The following ZNF516 variants were observed in gnomAD, a reference collection of about 807,000 sequenced individuals.
ZNF516 encodes the protein zinc finger protein 516.
ZNF516 carries 19 observed loss-of-function variants against 79.7 expected under a neutral mutation model. The observed-to-expected ratio is 0.24, with a 90% confidence interval of 0.17 to 0.35. The LOEUF (loss-of-function observed/expected upper bound fraction) is 0.35, where lower values mean the gene tolerates loss of function less well. Ranked by LOEUF, ZNF516 falls within the 10% of genes least tolerant of loss-of-function variation. The pLI is 1.00. For synonymous variants in ZNF516, 877 were observed against 739.5 expected (o/e 1.19, Z -3.02); for missense variants, 1,678 against 1,679.5 (o/e 1.00, Z 0.02).
At chr18:76,488,823 GA>G (rs1914990734) in intron 1 of ZNF516, among the ~76,000 whole-genome samples, 1 of 152,182 alleles carries the variant, frequency 6.6e-6, no homozygotes, top group Non-Finnish European at 1.5e-5. Flanking sequence ...AGAGAAAGCT[GA>G]TATGTGTTTC....
At chr18:76,495,285 A>AGGGCGCGCGGGGCCCGCC (rs1458561763), upstream of ZNF516, 2 of 144,018 alleles carry the variant, frequency 1.4e-5, no homozygotes, top group Non-Finnish European at 3.1e-5. Context: ...GGGACGCGCG[A>AGGGCGCGCGGGGCCCGCC]GGGCGCGCGG....
chr18:76,385,014 A>G (rs1568246992), intron 3 of ZNF516, among the ~76,000 whole-genome samples: 4 of 152,328 alleles, frequency 2.6e-5, no homozygotes, highest in African/African-American at 9.6e-5. Flanking sequence ...AGGATCTCCA[A>G]CACTCACCCC....
intron 6 of ZNF516, among the ~76,000 whole-genome samples, chr18:76,365,086 G>A (rs900526662): frequency 5.3e-5 from 8 of 152,178 alleles, no homozygotes; most frequent in Non-Finnish European, 8.8e-5. Flanking sequence ...ACCAACCTAC[G>A]TGATTTCTCC....
chr18:76,383,376 C>T (rs2074925830), intron 3 of ZNF516, among the ~76,000 whole-genome samples: 1 of 150,954 alleles, frequency 6.6e-6, no homozygotes, highest in East Asian at 2.0e-4. Flanking sequence ...ACCCTCTTCT[C>T]CACCAGGCAC....
intron 2 of ZNF516, 28 bp from the exon 3 acceptor site, chr18:76,443,239 A>C (rs1489131957): frequency 6.9e-5 from 62 of 904,004 alleles, no homozygotes; most frequent in Non-Finnish European, 9.1e-5. Context: ...CATCATCAGC[A>C]AAGCTCCTGG....
At chr18:76,423,981 G>A (rs1253832886) in intron 3 of ZNF516, among the ~76,000 whole-genome samples, 11 of 105,710 alleles carry the variant, frequency 1.0e-4, no homozygotes, top group Non-Finnish European at 1.5e-4. Context: ...AGGCTCCCCC[G>A]AAACACACAC....
At chr18:76,396,349 G>C (rs2145182739) in intron 3 of ZNF516, among the ~76,000 whole-genome samples, 2 of 152,200 alleles carry the variant, frequency 1.3e-5, no homozygotes, top group East Asian at 3.9e-4. Context: ...TGGCGCGCAG[G>C]GTCACCCTCT....
At chr18:76,399,651 A>G (rs1043786918) in intron 3 of ZNF516, among the ~76,000 whole-genome samples, 1 of 152,216 alleles carries the variant, frequency 6.6e-6, no homozygotes, top group African/African-American at 2.4e-5. Flanking sequence ...GAGGTTCAGG[A>G]AAACAGCACC....
Position 76,359,575 on chromosome 18 carries a change from T to C in ZNF516, c.*2923A>G, listed in dbSNP as rs1209844927. The C allele has an allele frequency of 1.3e-5, 2 of 151,124 alleles. No homozygotes were observed. Among genetic ancestry groups the C allele is most frequent in the Non-Finnish European group, 2.9e-5 (2 of 67,798 alleles). 9.4% of individuals were successfully genotyped at this position (151,124 alleles called of 1,614,324 possible). A position where few individuals can be genotyped will look rare whatever the true frequency, so the allele number is the denominator to read the frequency against. On this transcript the variant is annotated 3_prime_UTR_variant, in exon 7 of 7. Transcript: ENST00000443185. ...GATATGAGCAGGAAACAGGAGAGTATAGGAAGGCAGGCCAGGGTGCAGCCA... is the reference window on the plus strand; with the variant it reads ...GATATGAGCAGGAAACAGGAGAGTACAGGAAGGCAGGCCAGGGTGCAGCCA...
chr18:76,402,610 C>G (rs1000892429), intron 3 of ZNF516, among the ~76,000 whole-genome samples: 2 of 152,222 alleles, frequency 1.3e-5, no homozygotes, highest in Non-Finnish European at 2.9e-5. Context: ...CACTCACGGA[C>G]AGTCGTGATT....
In ZNF516 at chr18:76,379,621, G is replaced by A. The variant is rs1187390721; in HGVS notation, c.2493C>T (p.Leu831=). ...CCTGAGTGCGGGTGAACCGAGCAAGGAGCAAAGGCTGGCATTCTTTGCCAC... is the reference window on the plus strand; with the variant it reads ...CCTGAGTGCGGGTGAACCGAGCAAGAAGCAAAGGCTGGCATTCTTTGCCAC... The part of the protein sequence containing the change: ...ALGGKECQPL[L]LARFTRTQVP... The change falls in exon 4 of 7, where the codon CTC becomes CTT. Residue 831 remains leucine, a synonymous_variant. Transcript: ENST00000443185. 1.2e-6 allele frequency: 2 copies of A among 1,613,556 alleles called. No individual in the cohort carries two copies. The highest frequency in any genetic ancestry group is 2.2e-5 in the East Asian group (1 of 44,886).
intron 1 of ZNF516, among the ~76,000 whole-genome samples, chr18:76,475,822 G>A (rs1430356382): frequency 6.6e-6 from 1 of 152,132 alleles, no homozygotes; most frequent in Non-Finnish European, 1.5e-5. Context: ...ATTAGTTGCA[G>A]AAAAACTCAC....
intron 1 of ZNF516, among the ~76,000 whole-genome samples, chr18:76,488,696 A>G (rs1002510491): frequency 2.6e-5 from 4 of 152,208 alleles, no homozygotes; most frequent in African/African-American, 9.6e-5. Context: ...TAATGCAGAT[A>G]CCTAATCAAA....
At chr18:76,480,524 C>CACACACACACATATAT (rs1267997459) in intron 1 of ZNF516, among the ~76,000 whole-genome samples, 1 of 116,466 alleles carries the variant, frequency 8.6e-6, no homozygotes, top group Non-Finnish European at 1.8e-5. Context: ...CACACACACA[C>CACACACACACATATAT]ATATATTTTT....
intron 2 of ZNF516, among the ~76,000 whole-genome samples, chr18:76,450,494 A>G (rs1237807145): frequency 7.2e-5 from 11 of 152,156 alleles, no homozygotes; most frequent in Non-Finnish European, 1.5e-5. Context: ...ATTGAAAAGC[A>G]GTGTTTTATT....
intron 3 of ZNF516, among the ~76,000 whole-genome samples, chr18:76,408,689 C>T (rs2075333190): frequency 6.6e-6 from 1 of 152,252 alleles, no homozygotes; most frequent in Admixed American, 6.5e-5. Context: ...CCTTTCCAAA[C>T]TGACCCACGT....
At chr18:76,483,826 C>T (rs940597423) in intron 1 of ZNF516, among the ~76,000 whole-genome samples, 1 of 152,214 alleles carries the variant, frequency 6.6e-6, no homozygotes, top group Non-Finnish European at 1.5e-5. Context: ...TGGGAATCTG[C>T]GCAGATAGCT....
At chr18:76,491,813 C>G (rs1038960296) in intron 1 of ZNF516, 3 of 152,226 alleles carry the variant, frequency 2.0e-5, no homozygotes, top group African/African-American at 4.8e-5. Flanking sequence ...TCAGACACAC[C>G]GAAATAGGAA....
chr18:76,492,426 C>A, intron 1 of ZNF516: 1 of 953,680 alleles, frequency 1.0e-6, no homozygotes, highest in Non-Finnish European at 1.2e-6. Context: ...GCGCAGCGTT[C>A]AGGAGGCGGG....
Sources: allele counts gnomAD v4.1 joint callset (sites outside exome capture counted in the v4.1 genomes callset), GRCh38; gene constraint gnomAD v4.1.1; transcripts MANE v1.5; gene names NCBI Gene and HGNC (gene_info 2026-07-23, HGNC 2026-07-21).